RELN: variants seen among roughly 807,000 people sequenced by gnomAD.
RELN encodes reelin.
Under a neutral mutation model 427.6 loss-of-function variants are expected in RELN, and 108 were observed. The ratio of observed to expected loss-of-function variants is 0.25; its 90% CI spans 0.22 to 0.30. The LOEUF (loss-of-function observed/expected upper bound fraction) is 0.30. RELN is among the 10% of genes least tolerant of loss of function. The pLI, the probability that RELN is intolerant of heterozygous loss-of-function variation, is 1.00. For synonymous variants in RELN, 1,524 were observed against 1,513.4 expected (o/e 1.01, Z -0.16); for missense variants, 3,715 against 4,302.8 (o/e 0.86, Z 3.82).
intron 6 of RELN, among the ~76,000 whole-genome samples, chr7:103,732,065 T>G (rs1790368748): frequency 6.6e-6 from 1 of 152,080 alleles, no homozygotes; most frequent in African/African-American, 2.4e-5. Flanking sequence ...TCTAGAGAAT[T>G]AGAGGGCTTG....
chr7:103,887,220 CA>C (rs1794743165), intron 2 of RELN, among the ~76,000 whole-genome samples: 1 of 152,162 alleles, frequency 6.6e-6, no homozygotes, highest in Non-Finnish European at 1.5e-5. Flanking sequence ...CACTATTTGA[CA>C]CCCCAGACAG....
chr7:103,481,447 T>C (rs1262079411), intron 63 of RELN, among the ~76,000 whole-genome samples: 1 of 152,118 alleles, frequency 6.6e-6, no homozygotes, highest in Non-Finnish European at 1.5e-5. Flanking sequence ...ACTTGAAAGA[T>C]AAGAAGTGGT....
chr7:103,676,875 A>G (rs1833538631), intron 11 of RELN, among the ~76,000 whole-genome samples: 1 of 151,918 alleles, frequency 6.6e-6, no homozygotes, highest in Non-Finnish European at 1.5e-5. Context: ...AACATCACAC[A>G]GCGGGGCCTG....
At chr7:103,701,477 G>A (rs1834090831) in intron 8 of RELN, among the ~76,000 whole-genome samples, 1 of 151,982 alleles carries the variant, frequency 6.6e-6, no homozygotes, top group Non-Finnish European at 1.5e-5. Flanking sequence ...CTAAAATACT[G>A]TAAAGAAAAT....
At chr7:103,962,603 T>C (rs1435246481) in intron 1 of RELN, among the ~76,000 whole-genome samples, 3 of 151,880 alleles carry the variant, frequency 2.0e-5, no homozygotes, top group African/African-American at 4.8e-5. Flanking sequence ...AAACTTGAAA[T>C]GCATTTTAGA....
chr7:103,957,623 A>C (rs1796460473), intron 1 of RELN, among the ~76,000 whole-genome samples: 1 of 152,152 alleles, frequency 6.6e-6, no homozygotes. Flanking sequence ...CTCACAGTCA[A>C]CAGCAGGACC....
At chr7:103,897,557 A>G (rs1794988729) in intron 2 of RELN, among the ~76,000 whole-genome samples, 1 of 152,070 alleles carries the variant, frequency 6.6e-6, no homozygotes, top group South Asian at 2.1e-4. Context: ...AATATTCCTA[A>G]GAAGAGAGTT....
intron 30 of RELN, among the ~76,000 whole-genome samples, chr7:103,572,857 T>C (rs187006625): frequency 6.6e-6 from 1 of 152,234 alleles, no homozygotes; most frequent in Admixed American, 6.5e-5. Context: ...GAAGATTTTT[T>C]AAAATTATAC....
At chr7:103,526,782 G>T (rs1829831447) in intron 46 of RELN, among the ~76,000 whole-genome samples, 1 of 152,048 alleles carries the variant, frequency 6.6e-6, no homozygotes, top group Non-Finnish European at 1.5e-5. Context: ...AGGGTGTTGT[G>T]AAAATTAATT....
At chr7:103,683,729 T>C (rs1401546550) in intron 10 of RELN, among the ~76,000 whole-genome samples, 1 of 152,158 alleles carries the variant, frequency 6.6e-6, no homozygotes, top group African/African-American at 2.4e-5. Context: ...GAGGGAAGTA[T>C]TGCTCTTTGA....
intron 7 of RELN, among the ~76,000 whole-genome samples, chr7:103,725,882 T>C (rs17154844): frequency 0.02 from 2,984 of 152,238 alleles, 111 homozygotes; most frequent in African/African-American, 0.068. Flanking sequence ...AGAAATGAAA[T>C]GGCTATTTAA....
intron 3 of RELN, among the ~76,000 whole-genome samples, chr7:103,798,934 C>T (rs1792377247): frequency 6.6e-6 from 1 of 152,192 alleles, no homozygotes; most frequent in Admixed American, 6.5e-5. Context: ...CCAAGGGAAA[C>T]CCAAGTATCA....
chr7:103,700,781 A>G (rs1183275045), intron 9 of RELN, 129 bp downstream of exon 9: 2 of 716,602 alleles, frequency 2.8e-6, no homozygotes, highest in African/African-American at 3.5e-5. Context: ...CATCCATAGA[A>G]TTCAACATAA....
At chr7:103,897,530 T>C (rs932733972) in intron 2 of RELN, among the ~76,000 whole-genome samples, 8 of 152,072 alleles carry the variant, frequency 5.3e-5, no homozygotes, top group African/African-American at 1.9e-4. Flanking sequence ...AAACGTTAGT[T>C]AAACTGATGA....
chr7:103,770,453 T>C (rs1376049946), intron 4 of RELN, among the ~76,000 whole-genome samples: 1 of 152,164 alleles, frequency 6.6e-6, no homozygotes, highest in Non-Finnish European at 1.5e-5. Context: ...GGTTCCCCCA[T>C]GGTTTGCCTT....
At chr7:103,986,603 C>CCT (rs930168453) in intron 1 of RELN, among the ~76,000 whole-genome samples, 4 of 143,550 alleles carry the variant, frequency 2.8e-5, no homozygotes, top group South Asian at 2.2e-4. Context: ...GTGCACACCA[C>CCT]CTCTATCTCA....
At chr7:103,926,527 T>C (rs1206816269) in intron 1 of RELN, among the ~76,000 whole-genome samples, 1 of 151,830 alleles carries the variant, frequency 6.6e-6, no homozygotes, top group African/African-American at 2.4e-5. Flanking sequence ...GCGTATGTCA[T>C]ACATCTGTTG....
chr7:103,756,512 G>A (rs768658031), intron 4 of RELN, among the ~76,000 whole-genome samples: 4 of 152,100 alleles, frequency 2.6e-5, no homozygotes, highest in Non-Finnish European at 5.9e-5. Context: ...AGCCAAAGCT[G>A]GTAATAGTGT....
At chr7:103,974,981 T>A (rs930239842) in intron 1 of RELN, among the ~76,000 whole-genome samples, 5 of 152,200 alleles carry the variant, frequency 3.3e-5, no homozygotes, top group African/African-American at 1.2e-4. Context: ...TATGCTAACA[T>A]ATAGTTAAAG....
Sources: gnomAD v4.1 joint callset for allele counts (sites outside exome capture counted in the v4.1 genomes callset) on GRCh38, gnomAD v4.1.1 for gene constraint, MANE v1.5 for transcripts, NCBI Gene and HGNC (gene_info 2026-07-23, HGNC 2026-07-21) for gene names.